ARID1B: variants seen among roughly 807,000 people sequenced by gnomAD.
The protein encoded by ARID1B is AT-rich interaction domain 1B.
Under a neutral mutation model 212.3 loss-of-function variants are expected in ARID1B, and 30 were observed. The observed-to-expected ratio is 0.14, with a 90% CI of 0.11 to 0.19. ARID1B has a LOEUF of 0.19. Among genes scored for constraint, ARID1B ranks in the 10% least tolerant of loss-of-function variants. The probability of loss-of-function intolerance (pLI) is 1.00; values close to 1 mark genes in which losing one functional copy is unlikely to be tolerated. For missense variants in ARID1B, 2,891 were observed against 3,204.0 expected (o/e 0.90, Z 2.36); for synonymous variants, 1,402 against 1,301.7 (o/e 1.08, Z -1.66).
chr6:157,132,541 C>G (rs1043779332), intron 6 of ARID1B, among the ~76,000 whole-genome samples: 8 of 152,160 alleles, frequency 5.3e-5, no homozygotes, highest in African/African-American at 1.9e-4. Context: ...GGGAGAAAAA[C>G]AGCTCTGTGC....
At chr6:157,021,708 C>A (rs1210075330) in intron 4 of ARID1B, among the ~76,000 whole-genome samples, 1 of 152,006 alleles carries the variant, frequency 6.6e-6, no homozygotes, top group Admixed American at 6.5e-5. Flanking sequence ...GCGGCCGCCG[C>A]CTGCAGGCAC....
intron 4 of ARID1B, chr6:156,937,199 G>A (rs1792313763): frequency 6.6e-6 from 1 of 152,130 alleles, no homozygotes. Flanking sequence ...CATGTAGTGT[G>A]TACGTGTGTG....
intron 8 of ARID1B, among the ~76,000 whole-genome samples, chr6:157,154,563 C>T (rs1790423673): frequency 1.4e-5 from 2 of 142,126 alleles, no homozygotes; most frequent in Admixed American, 7.0e-5. Context: ...TTGTTCTGCT[C>T]TTCTGTTTTT....
intron 4 of ARID1B, among the ~76,000 whole-genome samples, chr6:156,968,569 T>G (rs1776696455): frequency 6.6e-6 from 1 of 152,216 alleles, no homozygotes; most frequent in South Asian, 2.1e-4. Context: ...ATTTCAGCTT[T>G]TGCTCTTTGG....
At chr6:156,830,975 C>T (rs533423132) in intron 2 of ARID1B, among the ~76,000 whole-genome samples, 2 of 152,252 alleles carry the variant, frequency 1.3e-5, no homozygotes, top group Non-Finnish European at 2.9e-5. Context: ...TTACCCACTC[C>T]GAATTCTAGC....
At chr6:156,846,609 A>T (rs1309494413) in intron 2 of ARID1B, among the ~76,000 whole-genome samples, 2 of 152,048 alleles carry the variant, frequency 1.3e-5, no homozygotes, top group African/African-American at 4.8e-5. Flanking sequence ...AGACCCTAAC[A>T]TGCTGCTATC....
intron 14 of ARID1B, 118 bp downstream of exon 14, chr6:157,189,898 T>C: frequency 6.4e-7 from 1 of 1,573,854 alleles, no homozygotes; most frequent in Non-Finnish European, 8.6e-7. Context: ...TAAATGTTGA[T>C]GACTGCCAGT....
intron 3 of ARID1B, among the ~76,000 whole-genome samples, chr6:156,934,449 C>T (rs1004146571): frequency 1.3e-5 from 2 of 152,128 alleles, no homozygotes; most frequent in South Asian, 4.2e-4. Context: ...CCAGAAAGGC[C>T]GTGTTAATTA....
intron 3 of ARID1B, among the ~76,000 whole-genome samples, chr6:156,934,802 GT>G (rs1792025959): frequency 2.0e-5 from 3 of 150,880 alleles, no homozygotes; most frequent in East Asian, 3.9e-4. Context: ...TTTAAAGACA[GT>G]TTGGTTTGGC....
At chr6:157,086,086 CTT>C (rs1252375164) in intron 5 of ARID1B, among the ~76,000 whole-genome samples, 1 of 152,160 alleles carries the variant, frequency 6.6e-6, no homozygotes, top group African/African-American at 2.4e-5. Context: ...ATATGAGACA[CTT>C]TTGTGCATGC....
chr6:157,001,483 G>T (rs1289906929), intron 4 of ARID1B, among the ~76,000 whole-genome samples: 2 of 152,182 alleles, frequency 1.3e-5, no homozygotes, highest in Non-Finnish European at 2.9e-5. Flanking sequence ...CTTTCTAGGG[G>T]AGAGGAGCCT....
chr6:157,084,815 A>G lies in ARID1B; in HGVS notation c.2401A>G (p.Ile801Val), dbSNP rs2128462952. The G allele has an allele frequency of 6.2e-7, 1 of 1,613,962 alleles. No individual in the cohort carries two copies. The highest frequency in any genetic ancestry group is 8.5e-7 in the Non-Finnish European group (1 of 1,179,908). ...ACATGCGTCCCCTCATCTCTCCAGC[A>G]TCCCGGGGGGCCCATCTCCCTCTCC... ...SPHASPHLSS[I>V]PGGPSPSPVG... Residue 801 changes from isoleucine to valine, a missense_variant, in exon 5 of 20, where the codon ATC (isoleucine) becomes GTC (valine). Physicochemically the swap from Ile to Val is conservative, Grantham distance 29 (BLOSUM62 3). Coordinates refer to ENST00000636930, the MANE Select transcript of ARID1B (RefSeq NM_001374828.1).
intron 4 of ARID1B, among the ~76,000 whole-genome samples, chr6:157,076,623 G>GTT (rs778052482): frequency 6.6e-6 from 1 of 150,836 alleles, no homozygotes; most frequent in East Asian, 1.9e-4. Flanking sequence ...GTTGTTGTGG[G>GTT]TTTTTTTTTA....
At chr6:156,817,329 G>A (rs956789003) in intron 1 of ARID1B, among the ~76,000 whole-genome samples, 4 of 151,988 alleles carry the variant, frequency 2.6e-5, no homozygotes, top group Non-Finnish European at 4.4e-5. Flanking sequence ...GGGCAACAGA[G>A]TGAGAGAATC....
intron 3 of ARID1B, among the ~76,000 whole-genome samples, chr6:156,925,835 A>G (rs1017968161): frequency 2.9e-4 from 44 of 152,326 alleles, no homozygotes; most frequent in Non-Finnish European, 4.0e-4. Context: ...ATCATGGCAC[A>G]TGCAAGAGAC....
intron 8 of ARID1B, chr6:157,166,111 A>G (rs1791306174): frequency 6.6e-6 from 1 of 151,840 alleles, no homozygotes; most frequent in Non-Finnish European, 1.5e-5. Context: ...ACAATGGTGG[A>G]CTCTTTTGAC....
intron 1 of ARID1B, among the ~76,000 whole-genome samples, chr6:156,801,225 G>T (rs896940629): frequency 1.4e-5 from 2 of 145,654 alleles, no homozygotes; most frequent in Non-Finnish European, 3.0e-5. Flanking sequence ...TTTTGAGGCG[G>T]AGTCTCGCTC....
intron 1 of ARID1B, among the ~76,000 whole-genome samples, chr6:156,821,852 G>A (rs1322454997): frequency 6.6e-6 from 1 of 152,116 alleles, no homozygotes; most frequent in Non-Finnish European, 1.5e-5. Flanking sequence ...CCAAAACCAA[G>A]ACCAAAAACA....
At position 157,002,770 on chromosome 6, in the gene ARID1B, T is replaced by A. The variant is rs1350338109; in HGVS notation, c.2247+67194T>A. Among the ~76,000 whole-genome samples, 3 of 152,250 alleles carry A rather than the reference T, an allele frequency of 2.0e-5. No individual in the cohort carries two copies. The East Asian group carries it at 5.8e-4, about 29-fold the overall frequency. On this transcript the variant is annotated intron_variant, in intron 4 of 19. Coordinates refer to ENST00000636930, the MANE Select transcript of ARID1B (RefSeq NM_001374828.1). ...TGCAGTAATGAACAGGAAACAGACCTGCCCTCATGTTACTTTATAATTTAG... is the reference window on the plus strand; with the variant it reads ...TGCAGTAATGAACAGGAAACAGACCAGCCCTCATGTTACTTTATAATTTAG...
Sources: gnomAD v4.1 joint callset for allele counts (sites outside exome capture counted in the v4.1 genomes callset) on GRCh38, gnomAD v4.1.1 for gene constraint, MANE v1.5 for transcripts, NCBI Gene and HGNC (gene_info 2026-07-23, HGNC 2026-07-21) for gene names.